The following GPAT3 variants were observed in gnomAD, a reference collection of about 807,000 sequenced individuals.
GPAT3 encodes glycerol-3-phosphate acyltransferase 3.
A neutral mutation model predicts 58.8 loss-of-function variants in GPAT3; 53 were observed. The ratio of observed to expected loss-of-function variants is 0.90; its 90% confidence interval spans 0.72 to 1.13. The LOEUF is 1.13. Ranked by LOEUF, GPAT3 falls within the 50% of genes most tolerant of loss-of-function variation. The pLI is 0.00. For synonymous variants in GPAT3, 197 were observed against 187.4 expected, an observed-to-expected ratio of 1.05 and a Z score of -0.42; for missense variants, 511 against 527.6, an observed-to-expected ratio of 0.97 and a Z score of 0.31.
chr4:83,562,946 G>A (rs1387337393), intron 2 of GPAT3, among the ~76,000 whole-genome samples: 2 of 152,140 alleles, frequency 1.3e-5, no homozygotes, highest in Non-Finnish European at 2.9e-5. Context: ...CAAAAACATT[G>A]AATGTGTTAT....
chr4:83,545,191 AG>A (rs1724460677), intron 2 of GPAT3, among the ~76,000 whole-genome samples: 1 of 152,254 alleles, frequency 6.6e-6, no homozygotes, highest in South Asian at 2.1e-4. Flanking sequence ...CTATAATCCC[AG>A]CACTGTGGGA....
chr4:83,595,937 C>T (rs17355342), intron 7 of GPAT3, among the ~76,000 whole-genome samples: 4,617 of 152,252 alleles, frequency 0.03, 90 homozygotes, highest in Non-Finnish European at 0.041. Flanking sequence ...GTTAGAAAAA[C>T]GATTCCCTAT....
At chr4:83,570,767 C>A (rs539396829) in intron 2 of GPAT3, among the ~76,000 whole-genome samples, 1 of 152,140 alleles carries the variant, frequency 6.6e-6, no homozygotes, top group South Asian at 2.1e-4. Context: ...GCCACTGTGC[C>A]CAGCTTGGGA....
At chr4:83,575,014 C>T (rs1725749651) in intron 2 of GPAT3, among the ~76,000 whole-genome samples, 1 of 151,446 alleles carries the variant, frequency 6.6e-6, no homozygotes, top group African/African-American at 2.4e-5. Flanking sequence ...GTAGCTGGGA[C>T]TACAGGCGCC....
At position 83,587,377 on chromosome 4, in the gene GPAT3, T is replaced by C. The variant is rs1415892181; in HGVS notation, c.554+48T>C. The C allele has an allele frequency of 3.4e-6, 5 of 1,461,592 alleles. No homozygotes were observed. The South Asian group carries it at 3.6e-5, about 11-fold the overall frequency. 90.5% of individuals were successfully genotyped at this position (1,461,592 alleles called of 1,614,324 possible). On this transcript the variant is annotated intron_variant, in intron 4 of 11. Coordinates refer to ENST00000264409, the MANE Select transcript of GPAT3 (RefSeq NM_032717.5). Reference sequence around the variant, plus strand: ...GCCATATATAGGACTGTCTTTTTTCTTAGCTGTGTCCACAAAGAGAATATT... The same window carrying C: ...GCCATATATAGGACTGTCTTTTTTCCTAGCTGTGTCCACAAAGAGAATATT...
chr4:83,566,127 AGGCCACCCAT>A (rs1199318013), intron 2 of GPAT3, among the ~76,000 whole-genome samples: 1 of 152,184 alleles, frequency 6.6e-6, no homozygotes, highest in Non-Finnish European at 1.5e-5. Flanking sequence ...TTCTCCTCAG[AGGCCACCCAT>A]GGCTCCCCAT....
intron 2 of GPAT3, among the ~76,000 whole-genome samples, chr4:83,566,586 G>A (rs1207840964): frequency 6.6e-6 from 1 of 151,372 alleles, no homozygotes; most frequent in Non-Finnish European, 1.5e-5. Flanking sequence ...ATTTATTCTT[G>A]TTTACTTATT....
intron 2 of GPAT3, among the ~76,000 whole-genome samples, chr4:83,551,871 A>AT (rs551012363): frequency 9.8e-4 from 148 of 150,398 alleles, no homozygotes; most frequent in Middle Eastern, 3.4e-3. Context: ...GACAATGAGT[A>AT]TTTTTTTTCT....
rs142076718 is a variant in GPAT3 at position 83,572,320 on chromosome 4, G to A, written c.209-9242G>A. ...AATGGTTTATTAAAATTTAGATGAGGAAATTGATCCTCAGCTAAGCTGATA... is the reference window on the plus strand; with the variant it reads ...AATGGTTTATTAAAATTTAGATGAGAAAATTGATCCTCAGCTAAGCTGATA... On this transcript the variant is annotated intron_variant, in intron 2 of 11. Coordinates refer to ENST00000264409, the MANE Select transcript of GPAT3 (RefSeq NM_032717.5). 1.0e-3 allele frequency among the ~76,000 whole-genome samples: 159 copies of A among 152,202 alleles called. 1 individual carries two copies. The highest frequency in any genetic ancestry group is 3.6e-3 in the African/African-American group (149 of 41,534).
intron 2 of GPAT3, among the ~76,000 whole-genome samples, chr4:83,562,237 A>ATATATATATATAATATATATATAT: frequency 1.4e-5 from 1 of 69,786 alleles, no homozygotes; most frequent in East Asian, 4.4e-4. Flanking sequence ...TATATATATA[A>ATATATATATATAATATATATATAT]TATATATATA....
intron 2 of GPAT3, among the ~76,000 whole-genome samples, chr4:83,553,708 G>T (rs945236662): frequency 1.3e-5 from 2 of 151,930 alleles, no homozygotes; most frequent in African/African-American, 4.8e-5. Context: ...AGACCAGCCT[G>T]GGCAACATGG....
At chr4:83,578,897 CTTTCT>C (rs1471872725) in intron 2 of GPAT3, among the ~76,000 whole-genome samples, 1 of 144,394 alleles carries the variant, frequency 6.9e-6, no homozygotes, top group Non-Finnish European at 1.5e-5. Context: ...CTCCCTCCCT[CTTTCT>C]TTTCTTTTTT....
At chr4:83,547,461 C>T (rs964906179) in intron 2 of GPAT3, among the ~76,000 whole-genome samples, 4 of 151,634 alleles carry the variant, frequency 2.6e-5, no homozygotes, top group African/African-American at 9.7e-5. Context: ...ACCGTGTTAG[C>T]CAGGATGGTC....
At position 83,543,256 on chromosome 4, in the gene GPAT3, C is replaced by CA. The variant is rs376887166; in HGVS notation, c.142-1268dup. ...TCAAGGCAGCAGCAAGCCCCTGTCT[C>CA]AAAAAAAAAAAATTTTGTCTCTGCC... On this transcript the variant is annotated intron_variant, in intron 1 of 11. Coordinates refer to ENST00000264409, the MANE Select transcript of GPAT3 (RefSeq NM_032717.5). 6.3e-3 allele frequency among the ~76,000 whole-genome samples: 918 copies of CA among 144,650 alleles called. 13 individuals carry two copies. Among genetic ancestry groups the CA allele is most frequent in the East Asian group, 0.02 (100 of 5,006 alleles). The allele number at this position is 144,650 out of a possible 152,430, so 94.9% of individuals were successfully genotyped here.
At chr4:83,595,656 G>A (rs1353949845) in intron 7 of GPAT3, among the ~76,000 whole-genome samples, 1 of 152,178 alleles carries the variant, frequency 6.6e-6, no homozygotes, top group Admixed American at 6.5e-5. Context: ...TGAGGCTGCA[G>A]TGAGCTGAGA....
intron 2 of GPAT3, among the ~76,000 whole-genome samples, chr4:83,573,372 C>G (rs1725672598): frequency 6.6e-6 from 1 of 152,170 alleles, no homozygotes; most frequent in African/African-American, 2.4e-5. Flanking sequence ...TGCCTCACCT[C>G]AGGTGATCTG....
chr4:83,550,150 C>T (rs774725573), intron 2 of GPAT3, among the ~76,000 whole-genome samples: 5 of 152,044 alleles, frequency 3.3e-5, no homozygotes, highest in Non-Finnish European at 5.9e-5. Flanking sequence ...AGGTGTGAGC[C>T]ACCATGCCCA....
chr4:83,572,382 G>C (rs1163961017), intron 2 of GPAT3, among the ~76,000 whole-genome samples: 1 of 152,154 alleles, frequency 6.6e-6, no homozygotes, highest in Non-Finnish European at 1.5e-5. Flanking sequence ...TTTAAGCATA[G>C]TATTAATTTT....
At chr4:83,588,450 T>G in intron 5 of GPAT3, 151 bp downstream of exon 5, 1 of 661,872 alleles carries the variant, frequency 1.5e-6, no homozygotes, top group Non-Finnish European at 2.6e-6. Context: ...ACAGGCATGA[T>G]GCACAAAAAC....
Sources: gnomAD v4.1 joint callset for allele counts (sites outside exome capture counted in the v4.1 genomes callset) on GRCh38, gnomAD v4.1.1 for gene constraint, MANE v1.5 for transcripts, NCBI Gene and HGNC (gene_info 2026-07-23, HGNC 2026-07-21) for gene names.